SEMA3A: variants seen among roughly 807,000 people sequenced by gnomAD.
The protein encoded by SEMA3A is semaphorin-3A.
A neutral mutation model predicts 97.9 loss-of-function variants in SEMA3A; 29 were observed. The ratio of observed to expected loss-of-function variants is 0.30; its 90% CI spans 0.22 to 0.40. The LOEUF is 0.40. Among genes scored for constraint, SEMA3A ranks in the 10% least tolerant of loss-of-function variants. SEMA3A has a pLI of 1.00. For missense variants in SEMA3A, 763 were observed against 951.3 expected, an observed-to-expected ratio of 0.80 and a Z score of 2.60; for synonymous variants, 321 against 323.7, an observed-to-expected ratio of 0.99 and a Z score of 0.09.
At chr7:83,998,243 C>G (rs753094360) in intron 12 of SEMA3A, among the ~76,000 whole-genome samples, 4 of 152,138 alleles carry the variant, frequency 2.6e-5, no homozygotes, top group Admixed American at 2.6e-4. Context: ...AGTACACTTA[C>G]CTACTACCTA....
rs528011683 is a variant in SEMA3A at position 84,135,108 on chromosome 7, GC to G, written c.113-158del. On this transcript the variant is annotated intron_variant, in intron 1 of 16. Transcript: ENST00000265362. ...GAAATATATTGGAACCAAAATGTGT[GC>G]ATTTTACTTTTTTTTTTTTTTTTTG... Among the ~76,000 whole-genome samples the G allele has an allele frequency of 6.7e-3, 960 of 143,418 alleles. 5 individuals are homozygous for G. The highest frequency in any genetic ancestry group is 0.022 in the African/African-American group (896 of 39,890). 94.1% of individuals were successfully genotyped at this position (143,418 alleles called of 152,430 possible). A position where few individuals can be genotyped will look rare whatever the true frequency, so the allele number is the denominator to read the frequency against.
intron 5 of SEMA3A, among the ~76,000 whole-genome samples, chr7:84,052,660 C>A (rs1792735238): frequency 2.6e-5 from 4 of 152,024 alleles, no homozygotes; most frequent in Admixed American, 2.6e-4. Flanking sequence ...TTCAAAAAAC[C>A]AGCTCCTGGA....
At chr7:84,391,832 G>A (rs1301024515) in intron 1 of SEMA3A, among the ~76,000 whole-genome samples, 1 of 151,814 alleles carries the variant, frequency 6.6e-6, no homozygotes, top group African/African-American at 2.4e-5. Context: ...CGTTAGCTGG[G>A]TGTGATGGTG....
At chr7:84,447,156 C>A (rs1383004394) in intron 1 of SEMA3A, among the ~76,000 whole-genome samples, 1 of 152,192 alleles carries the variant, frequency 6.6e-6, no homozygotes, top group Non-Finnish European at 1.5e-5. Context: ...GACATGCCAG[C>A]CCCCTGCCGC....
chr7:84,489,968 T>A (rs76173006), intron 1 of SEMA3A, among the ~76,000 whole-genome samples: 1 of 152,038 alleles, frequency 6.6e-6, no homozygotes, highest in South Asian at 2.1e-4. Flanking sequence ...TATATACTTA[T>A]ATTGTTTGTA....
chr7:84,172,874 T>C (rs546646933), intron 1 of SEMA3A, among the ~76,000 whole-genome samples: 2 of 152,342 alleles, frequency 1.3e-5, no homozygotes, highest in African/African-American at 4.8e-5. Context: ...AATATTGAAG[T>C]TCTAGAAAAA....
At chr7:84,223,071 C>A (rs1167297617) in intron 3 of SEMA3A, among the ~76,000 whole-genome samples, 1 of 151,796 alleles carries the variant, frequency 6.6e-6, no homozygotes, top group Non-Finnish European at 1.5e-5. Flanking sequence ...TGGCAACTTA[C>A]AAAACAGATG....
intron 1 of SEMA3A, among the ~76,000 whole-genome samples, chr7:84,490,093 T>C (rs535848462): frequency 4.0e-5 from 6 of 148,256 alleles, no homozygotes; most frequent in African/African-American, 1.0e-4. Context: ...ACCACATAAT[T>C]TATTCATTAC....
At chr7:84,456,693 AGTT>A (rs1805695494) in intron 1 of SEMA3A, among the ~76,000 whole-genome samples, 1 of 151,884 alleles carries the variant, frequency 6.6e-6, no homozygotes, top group South Asian at 2.1e-4. Flanking sequence ...CAATTGAAAA[AGTT>A]GTCATTTTTA....
intron 2 of SEMA3A, among the ~76,000 whole-genome samples, chr7:84,368,500 G>A (rs1009509072): frequency 1.3e-5 from 2 of 150,610 alleles, no homozygotes; most frequent in African/African-American, 4.9e-5. Flanking sequence ...TTTTGGTTTG[G>A]CTTTATAGTT....
chr7:84,366,490 A>T (rs929826870), intron 2 of SEMA3A, among the ~76,000 whole-genome samples: 1 of 150,832 alleles, frequency 6.6e-6, no homozygotes, highest in Non-Finnish European at 1.5e-5. Context: ...ACTCCTTTTT[A>T]TCAATCTGCT....
At chr7:84,447,756 G>A (rs929395498) in intron 1 of SEMA3A, among the ~76,000 whole-genome samples, 1 of 152,194 alleles carries the variant, frequency 6.6e-6, no homozygotes, top group Non-Finnish European at 1.5e-5. Flanking sequence ...ACACAAACAG[G>A]TTTGAAACGG....
chr7:84,235,439 G>A (rs1363828872), intron 3 of SEMA3A, among the ~76,000 whole-genome samples: 4 of 151,252 alleles, frequency 2.6e-5, no homozygotes, highest in Non-Finnish European at 5.9e-5. Flanking sequence ...ATTGATTTCT[G>A]GTATTGAAAT....
chr7:84,414,759 T>C (rs1379587480), intron 1 of SEMA3A, among the ~76,000 whole-genome samples: 2 of 151,960 alleles, frequency 1.3e-5, no homozygotes, highest in African/African-American at 2.4e-5. Context: ...ATGAACAAAG[T>C]GTAATTTCAC....
intron 3 of SEMA3A, among the ~76,000 whole-genome samples, chr7:84,272,519 C>T (rs1562881304): frequency 1.3e-5 from 2 of 151,974 alleles, no homozygotes; most frequent in Admixed American, 6.6e-5. Flanking sequence ...GCCAAAGGAA[C>T]CTAGTTCTGA....
intron 1 of SEMA3A, among the ~76,000 whole-genome samples, chr7:84,390,461 A>G (rs1377647453): frequency 6.6e-6 from 1 of 151,826 alleles, no homozygotes; most frequent in Admixed American, 6.6e-5. Flanking sequence ...GGTCATAAAT[A>G]TAATTTGTGA....
chr7:84,397,365 C>T (rs1803763522), intron 1 of SEMA3A, among the ~76,000 whole-genome samples: 1 of 149,474 alleles, frequency 6.7e-6, no homozygotes, highest in African/African-American at 2.4e-5. Context: ...CAAATCTATG[C>T]ATTGCCAAAA....
At chr7:84,209,790 T>A (rs185647582) in intron 3 of SEMA3A, among the ~76,000 whole-genome samples, 1 of 152,276 alleles carries the variant, frequency 6.6e-6, no homozygotes, top group Non-Finnish European at 1.5e-5. Flanking sequence ...ACATATAAAT[T>A]TATTAAATAA....
chr7:84,289,443 AC>A (rs1279357764), intron 3 of SEMA3A, among the ~76,000 whole-genome samples: 1 of 152,122 alleles, frequency 6.6e-6, no homozygotes, highest in Non-Finnish European at 1.5e-5. Flanking sequence ...TGATCACTGC[AC>A]ACTATATACA....
Sources: gnomAD v4.1 joint callset for allele counts (sites outside exome capture counted in the v4.1 genomes callset) on GRCh38, gnomAD v4.1.1 for gene constraint, MANE v1.5 for transcripts, NCBI Gene and HGNC (gene_info 2026-07-23, HGNC 2026-07-21) for gene names.